The following MALRD1 variants were observed in gnomAD, a reference collection of about 807,000 sequenced individuals.
MALRD1 encodes the protein MAM and LDL receptor class A domain containing 1, also known as MAM and LDL-receptor class A domain-containing protein 1.
In MALRD1, 247 loss-of-function variants were observed where a neutral mutation model predicts 242.1. The ratio of observed to expected loss-of-function variants is 1.02; its 90% confidence interval spans 0.92 to 1.13. The LOEUF is 1.13. MALRD1 is among the 50% of genes most tolerant of loss of function. MALRD1 has a pLI of 0.00. For missense variants in MALRD1, 2,989 were observed against 2,533.1 expected (o/e 1.18, Z -3.86); for synonymous variants, 995 against 866.6 (o/e 1.15, Z -2.60).
intron 33 of MALRD1, among the ~76,000 whole-genome samples, chr10:19,570,125 T>C (rs1836453237): frequency 6.6e-6 from 1 of 151,988 alleles, no homozygotes; most frequent in South Asian, 2.1e-4. Context: ...AGACCTTTGG[T>C]ATTAAACCTT....
intron 29 of MALRD1, among the ~76,000 whole-genome samples, chr10:19,471,658 G>T: frequency 5.6e-5 from 4 of 70,876 alleles, no homozygotes; most frequent in African/African-American, 1.7e-4. Flanking sequence ...TTTCACCTCT[G>T]CTTAATTTTT....
At chr10:19,439,322 T>G (rs2496101) in intron 28 of MALRD1, among the ~76,000 whole-genome samples, 119,501 of 151,758 alleles carry the variant, frequency 0.79, 47,698 homozygotes, top group African/African-American at 0.92. Context: ...CTTGAGCCCA[T>G]TAGTTTAAAA....
rs1458962682 is a variant in MALRD1 at position 19,205,117 on chromosome 10, A to G, written c.2430A>G (p.Arg810=). The change falls in exon 17 of 40, where the codon CGA becomes CGG. Residue 810 remains arginine (R), a synonymous_variant. Transcript: ENST00000454679. ...GGGTCTCAGCTATTGATGACATCCG[A>G]TTTGAAAATTGTACTCTCCCTCTTC... is the stretch of plus-strand genomic sequence containing the variant. ...YDGVSAIDDI[R]FENCTLPLPA... 2 of 1,550,688 alleles carry G rather than the reference A, an allele frequency of 1.3e-6. No individual in the cohort carries two copies. Among genetic ancestry groups the G allele is most frequent in the South Asian group, 2.4e-5 (2 of 84,054 alleles).
intron 14 of MALRD1, among the ~76,000 whole-genome samples, chr10:19,199,290 TG>T (rs1416775213): frequency 1.3e-5 from 2 of 152,240 alleles, no homozygotes; most frequent in Non-Finnish European, 2.9e-5. Flanking sequence ...GTTTTGATTT[TG>T]TATCATCTTC....
chr10:19,291,344 C>G (rs1234574882), intron 21 of MALRD1: 1 of 151,994 alleles, frequency 6.6e-6, no homozygotes, highest in East Asian at 1.9e-4. Context: ...TATAAATTTG[C>G]TTATACATTT....
At chr10:19,105,940 G>T (rs1836447173) in intron 5 of MALRD1, among the ~76,000 whole-genome samples, 1 of 151,812 alleles carries the variant, frequency 6.6e-6, no homozygotes, top group African/African-American at 2.4e-5. Flanking sequence ...TGCACAGTTT[G>T]CAAACATTGC....
At chr10:19,221,202 A>C (rs1441988540) in intron 18 of MALRD1, among the ~76,000 whole-genome samples, 1 of 152,148 alleles carries the variant, frequency 6.6e-6, no homozygotes, top group Admixed American at 6.5e-5. Context: ...CATTTTTTTA[A>C]TACTTCTAGT....
chr10:19,395,299 C>T (rs758946114), intron 28 of MALRD1, among the ~76,000 whole-genome samples: 6 of 152,060 alleles, frequency 3.9e-5, no homozygotes, highest in Non-Finnish European at 7.4e-5. Flanking sequence ...CAAGGTGGTC[C>T]GAGCACAGCT....
At chr10:19,648,899 A>C (rs1197788447) in intron 36 of MALRD1, among the ~76,000 whole-genome samples, 1 of 151,796 alleles carries the variant, frequency 6.6e-6, no homozygotes, top group East Asian at 1.9e-4. Context: ...CCTCTCACCC[A>C]CCTCAAGTAG....
At chr10:19,139,270 AT>A (rs1383838660) in intron 10 of MALRD1, among the ~76,000 whole-genome samples, 1 of 152,246 alleles carries the variant, frequency 6.6e-6, no homozygotes, top group African/African-American at 2.4e-5. Context: ...GCATATGTAT[AT>A]TCTTACAAAA....
At chr10:19,289,116 G>A (rs943132188) in intron 21 of MALRD1, among the ~76,000 whole-genome samples, 8 of 151,784 alleles carry the variant, frequency 5.3e-5, no homozygotes, top group Non-Finnish European at 8.8e-5. Context: ...CACAAAAAAA[G>A]CAAAGGACAC....
chr10:19,642,504 CA>C (rs1178243733), intron 36 of MALRD1, among the ~76,000 whole-genome samples: 1 of 151,894 alleles, frequency 6.6e-6, no homozygotes, highest in Non-Finnish European at 1.5e-5. Flanking sequence ...AAAGGAAAAG[CA>C]AAATAATACA....
chr10:19,424,660 A>G (rs773774454), intron 28 of MALRD1, among the ~76,000 whole-genome samples: 2 of 152,244 alleles, frequency 1.3e-5, no homozygotes, highest in Non-Finnish European at 2.9e-5. Flanking sequence ...CTTTTGTGAC[A>G]TGGACAATTC....
chr10:19,280,740 C>T (rs1840764792), intron 20 of MALRD1, among the ~76,000 whole-genome samples: 1 of 152,198 alleles, frequency 6.6e-6, no homozygotes, highest in Admixed American at 6.5e-5. Flanking sequence ...TGGTACCTGC[C>T]AATTCAATGG....
At chr10:19,088,581 ATTTATTT>A (rs758998302) in intron 4 of MALRD1, among the ~76,000 whole-genome samples, 17 of 52,162 alleles carry the variant, frequency 3.3e-4, no homozygotes, top group East Asian at 1.2e-3. Flanking sequence ...TTATTTATTT[ATTTATTT>A]ATTTTTTTTT....
intron 21 of MALRD1, among the ~76,000 whole-genome samples, chr10:19,295,677 G>C (rs1050212560): frequency 6.6e-6 from 1 of 152,122 alleles, no homozygotes; most frequent in Non-Finnish European, 1.5e-5. Context: ...GCAAAGGAAG[G>C]ATCTTTCATG....
chr10:19,206,603 AT>A (rs1227898839), intron 17 of MALRD1, among the ~76,000 whole-genome samples: 1 of 152,136 alleles, frequency 6.6e-6, no homozygotes, highest in Non-Finnish European at 1.5e-5. Flanking sequence ...ACTTCTTGCG[AT>A]TATGGATTAG....
chr10:19,578,753 A>G (rs981497913), intron 33 of MALRD1, among the ~76,000 whole-genome samples: 8 of 152,142 alleles, frequency 5.3e-5, no homozygotes, highest in African/African-American at 1.9e-4. Flanking sequence ...GACCAGTCCA[A>G]GAAGCAAAAT....
At chr10:19,129,363 A>G (rs1427154932) in intron 8 of MALRD1, among the ~76,000 whole-genome samples, 2 of 152,128 alleles carry the variant, frequency 1.3e-5, no homozygotes, top group Non-Finnish European at 2.9e-5. Context: ...ACCATATGGA[A>G]GAGATGAATA....
Sources: gnomAD v4.1 joint callset for allele counts (sites outside exome capture counted in the v4.1 genomes callset) on GRCh38, gnomAD v4.1.1 for gene constraint, MANE v1.5 for transcripts, NCBI Gene and HGNC (gene_info 2026-07-23, HGNC 2026-07-21) for gene names.